NOX4: variants seen among roughly 807,000 people sequenced by gnomAD.
NOX4 encodes kidney oxidase-1.
Under a neutral mutation model 87.6 loss-of-function variants are expected in NOX4, and 69 were observed. The ratio of observed to expected loss-of-function variants is 0.79; its 90% CI spans 0.65 to 0.96. NOX4 has a LOEUF of 0.96. NOX4 is among the 40% of genes least tolerant of loss of function. The pLI is 0.00. For synonymous variants in NOX4, 275 were observed against 238.2 expected, an observed-to-expected ratio of 1.15 and a Z score of -1.42; for missense variants, 680 against 681.5, an observed-to-expected ratio of 1.00 and a Z score of 0.02.
At chr11:89,572,045 C>G in the NOX4 span, among the ~76,000 whole-genome samples, 2 of 152,190 alleles carry the variant, frequency 1.3e-5, no homozygotes, top group Non-Finnish European at 2.9e-5. Flanking sequence ...CTCCGCCCCC[C>G]TCAAGTAGTC....
At chr11:89,385,250 A>G (rs1218435964) in intron 11 of NOX4, among the ~76,000 whole-genome samples, 2 of 152,182 alleles carry the variant, frequency 1.3e-5, no homozygotes, top group African/African-American at 4.8e-5. Context: ...TCTTTAATAA[A>G]AACACTTCTC....
In NOX4 at chr11:89,408,829, G is replaced by A. The variant is rs185136363; in HGVS notation, c.630-6287C>T. ...TGCTCTGTTGTCATTATCTCCAAAC[G>A]CTTAATAATTTTTTGATCAAAGAAT... On this transcript the variant is annotated intron_variant, in intron 8 of 17. Coordinates refer to ENST00000263317, the MANE Select transcript of NOX4 (RefSeq NM_016931.5). Among the ~76,000 whole-genome samples the A allele has an allele frequency of 4.0e-3, 608 of 152,200 alleles. 3 individuals are homozygous for A. Among genetic ancestry groups the A allele is most frequent in the African/African-American group, 0.014 (569 of 41,552 alleles).
chr11:89,582,689 G>C, the NOX4 span, among the ~76,000 whole-genome samples: 1 of 152,172 alleles, frequency 6.6e-6, no homozygotes, highest in Non-Finnish European at 1.5e-5. Context: ...TGCTTCTCCA[G>C]GTTCCCTGCT....
chr11:89,357,773 CTATAA>C (rs1938182498), intron 12 of NOX4, among the ~76,000 whole-genome samples: 1 of 152,094 alleles, frequency 6.6e-6, no homozygotes, highest in Non-Finnish European at 1.5e-5. Flanking sequence ...ATGCACACAA[CTATAA>C]TATAATACAT....
At chr11:89,542,780 A>T in the NOX4 span, among the ~76,000 whole-genome samples, 1 of 152,146 alleles carries the variant, frequency 6.6e-6, no homozygotes, top group African/African-American at 2.4e-5. Context: ...GTTGAGGCAA[A>T]ATAAAAGCAT....
In NOX4 at chr11:89,389,339, T is replaced by C. The variant is rs142895606; in HGVS notation, c.1074+10678A>G. On this transcript the variant is annotated intron_variant, in intron 11 of 17. Coordinates refer to ENST00000263317, the MANE Select transcript of NOX4 (RefSeq NM_016931.5). ...AAGCTTAGCTTTACCTTGACCAAAA[T>C]AGTATTTCTGTGCCCTGTCTTTTGT... Among the ~76,000 whole-genome samples, 1,096 of 152,298 alleles carry C rather than the reference T, an allele frequency of 7.2e-3. 11 individuals carry two copies. Among genetic ancestry groups the C allele is most frequent in the African/African-American group, 0.025 (1,021 of 41,570 alleles).
At chr11:89,379,776 A>C (rs897539109) in intron 11 of NOX4, among the ~76,000 whole-genome samples, 27 of 152,252 alleles carry the variant, frequency 1.8e-4, no homozygotes, top group African/African-American at 6.3e-4. Context: ...TGTTAACTCT[A>C]ACTTTAAAAT....
intron 7 of NOX4, among the ~76,000 whole-genome samples, chr11:89,427,428 C>T (rs1188111733): frequency 6.6e-6 from 1 of 152,026 alleles, no homozygotes; most frequent in Non-Finnish European, 1.5e-5. Context: ...CTTCTCTGAG[C>T]TAAAGGAGGA....
chr11:89,506,275 A>C, the NOX4 span, among the ~76,000 whole-genome samples: 2 of 130,170 alleles, frequency 1.5e-5, no homozygotes, highest in African/African-American at 5.8e-5. Flanking sequence ...GAAAGAAAGA[A>C]AAAGAAAGGA....
chr11:89,400,271 A>G lies in NOX4; in HGVS notation c.955T>C (p.Ser319Pro), dbSNP rs141339075. The change falls in exon 10 of 18, where the codon TCA becomes CCA. Residue 319 changes from serine to proline, a missense_variant. By Grantham distance (74) the Ser-to-Pro change is moderately conservative. Transcript: ENST00000263317. ...ACCATTCGGATTTCCATGACATCTG[A>G]GGGATGACTCATGACCGAAATGATG... ...VTIISVMSHP[S>P]DVMEIRMVKE... is the part of the protein sequence containing the mutation. The G allele has an allele frequency of 6.2e-7, 1 of 1,612,932 alleles. No individual in the cohort carries two copies. The highest frequency in any genetic ancestry group is 1.3e-5 in the African/African-American group (1 of 74,866).
chr11:89,357,224 T>TC (rs397756604), intron 12 of NOX4, among the ~76,000 whole-genome samples: 1 of 152,082 alleles, frequency 6.6e-6, no homozygotes, highest in Admixed American at 6.6e-5. Flanking sequence ...CTGTTTTTTT[T>TC]TCTCTCAAAA....
rs35924417 is a variant in NOX4, at chr11:89,458,153, G to A, written c.154-6258C>T. ...TGGAGGCCTCACATTACCTGACTTC[G>A]AATTATACTACAAGACTACAATAAC... is the stretch of plus-strand genomic sequence containing the variant. On this transcript the variant is annotated intron_variant, in intron 2 of 17. Transcript: ENST00000263317. 9.9e-3 allele frequency among the ~76,000 whole-genome samples: 1,502 copies of A among 152,130 alleles called. 23 individuals are homozygous for A. The highest frequency in any genetic ancestry group is 0.051 in the Middle Eastern group (15 of 294).
chr11:89,490,036 G>A (rs1322778930), intron 2 of NOX4, among the ~76,000 whole-genome samples: 1 of 152,166 alleles, frequency 6.6e-6, no homozygotes, highest in Non-Finnish European at 1.5e-5. Flanking sequence ...TATTTTGTGA[G>A]AGTTGTCAGT....
chr11:89,515,158 A>G, the NOX4 span, among the ~76,000 whole-genome samples: 1 of 152,018 alleles, frequency 6.6e-6, no homozygotes, highest in Non-Finnish European at 1.5e-5. Context: ...CATTTGGTTC[A>G]TAAAAATTTA....
intron 11 of NOX4, among the ~76,000 whole-genome samples, chr11:89,392,661 T>C (rs2135142008): frequency 6.6e-6 from 1 of 152,284 alleles, no homozygotes; most frequent in East Asian, 1.9e-4. Context: ...TATCCCACTT[T>C]TCCTTTTGAT....
intron 7 of NOX4, among the ~76,000 whole-genome samples, chr11:89,425,154 T>C (rs1943307149): frequency 6.6e-6 from 1 of 151,616 alleles, no homozygotes; most frequent in African/African-American, 2.4e-5. Context: ...ATTCCTAAAA[T>C]TGAAAAAGTG....
At chr11:89,338,289 C>T (rs1428760790) in intron 15 of NOX4, among the ~76,000 whole-genome samples, 1 of 152,068 alleles carries the variant, frequency 6.6e-6, no homozygotes, top group East Asian at 1.9e-4. Flanking sequence ...AGCATTATAT[C>T]TTCAAAGTTC....
intron 8 of NOX4, among the ~76,000 whole-genome samples, chr11:89,404,993 A>C (rs1185013159): frequency 2.0e-5 from 3 of 151,540 alleles, no homozygotes; most frequent in Non-Finnish European, 4.4e-5. Context: ...TACCTAGCTC[A>C]CTCTATGCCC....
chr11:89,454,876 T>C (rs2135397665), intron 2 of NOX4, among the ~76,000 whole-genome samples: 1 of 152,276 alleles, frequency 6.6e-6, no homozygotes, highest in African/African-American at 2.4e-5. Context: ...AGATGACTTG[T>C]ATAAAGATCT....
Sources: allele counts gnomAD v4.1 joint callset (sites outside exome capture counted in the v4.1 genomes callset), GRCh38; gene constraint gnomAD v4.1.1; transcripts MANE v1.5; gene names NCBI Gene and HGNC (gene_info 2026-07-23, HGNC 2026-07-21).